Variants in IL10RB observed in about 807,000 individuals in gnomAD.
IL10RB encodes interleukin-10 receptor subunit beta.
A neutral mutation model predicts 38.7 loss-of-function variants in IL10RB; 30 were observed. That is an observed-to-expected ratio of 0.78 (90% CI 0.58 to 1.05). IL10RB has a LOEUF of 1.05. IL10RB is among the 50% of genes least tolerant of loss of function. The probability of loss-of-function intolerance (pLI) is 0.00; values close to 1 mark genes in which losing one functional copy is unlikely to be tolerated. For synonymous variants in IL10RB, 142 were observed against 145.9 expected, an observed-to-expected ratio of 0.97 and a Z score of 0.19; for missense variants, 328 against 397.1, an observed-to-expected ratio of 0.83 and a Z score of 1.48.
chr21:33,267,235 C>A (rs1364871422), intron 1 of IL10RB, among the ~76,000 whole-genome samples: 1 of 151,972 alleles, frequency 6.6e-6, no homozygotes, highest in African/African-American at 2.4e-5. Flanking sequence ...CTGCTTGGGA[C>A]CCTCCTGCTC....
At chr21:33,275,147 CTTTTCTT>C (rs941774158) in intron 2 of IL10RB, among the ~76,000 whole-genome samples, 1 of 136,740 alleles carries the variant, frequency 7.3e-6, no homozygotes, top group Non-Finnish European at 1.6e-5. Flanking sequence ...TAACTTCCAA[CTTTTCTT>C]TTTTTTTTTT....
chr21:33,283,371 C>A, intron 5 of IL10RB, 130 bp downstream of exon 5: 1 of 931,730 alleles, frequency 1.1e-6, no homozygotes, highest in Non-Finnish European at 1.7e-6. Flanking sequence ...ATCTCTCAGC[C>A]CTGACTGCTC....
intron 1 of IL10RB, among the ~76,000 whole-genome samples, chr21:33,306,955 ACTT>A (rs142959211): frequency 0.011 from 1,692 of 152,258 alleles, 35 homozygotes; most frequent in African/African-American, 0.037. Context: ...GTAACCTTCC[ACTT>A]CTTCTTTCCC....
Position 33,302,828 on chromosome 21 carries a change from G to C in IL10RB, c.130-6148G>C, listed in dbSNP as rs1282540847. ...CGCCTGAGGCCTGTAGACAGGAAAT[G>C]AGGAGTCCGGCTCCTAGTTAGAATC... is the stretch of plus-strand genomic sequence containing the variant. On this transcript the variant is annotated intron_variant, in intron 1 of 1. Coordinates refer to the IL10RB transcript ENST00000609556. Among the ~76,000 whole-genome samples the C allele has an allele frequency of 2.0e-5, 3 of 152,218 alleles. No homozygotes were observed. The East Asian group carries it at 5.8e-4, about 29-fold the overall frequency.
intron 3 of IL10RB, among the ~76,000 whole-genome samples, chr21:33,277,701 T>A (rs2123575761): frequency 7.4e-6 from 1 of 134,814 alleles, no homozygotes; most frequent in East Asian, 2.3e-4. Context: ...AGACAAAGTC[T>A]CACTCTGACA....
chr21:33,297,883 T>A (rs1285363397), downstream of IL10RB, among the ~76,000 whole-genome samples: 1 of 151,944 alleles, frequency 6.6e-6, no homozygotes, highest in Non-Finnish European at 1.5e-5. Context: ...GTATTAGGGT[T>A]CTCCAGAGAA....
chr21:33,268,257 CT>C (rs1289432005), intron 1 of IL10RB, 136 bp from the exon 2 acceptor site: 1 of 1,552,156 alleles, frequency 6.4e-7, no homozygotes, highest in African/African-American at 1.4e-5. Flanking sequence ...CACAGCCAAC[CT>C]GTCTCTCCCT....
chr21:33,283,328 C>A, intron 5 of IL10RB, 87 bp downstream of exon 5: 1 of 1,330,528 alleles, frequency 7.5e-7, no homozygotes, highest in Non-Finnish European at 1.1e-6. Context: ...ACTCAAATTC[C>A]AGCTCAGTTC....
At chr21:33,307,123 G>C (rs2083000824) in intron 1 of IL10RB, among the ~76,000 whole-genome samples, 1 of 152,026 alleles carries the variant, frequency 6.6e-6, no homozygotes, top group Non-Finnish European at 1.5e-5. Flanking sequence ...ATTCTGCAGG[G>C]GCTCAGCCTA....
intron 4 of IL10RB, 41 bp from the exon 5 acceptor site, chr21:33,283,053 C>T: frequency 6.5e-7 from 1 of 1,544,988 alleles, no homozygotes; most frequent in Non-Finnish European, 8.9e-7. Flanking sequence ...TGGTGCCCTT[C>T]CACTGCTTAG....
intron 2 of IL10RB, among the ~76,000 whole-genome samples, chr21:33,272,694 C>T (rs769929735): frequency 1.8e-4 from 27 of 152,230 alleles, no homozygotes; most frequent in African/African-American, 4.6e-4. Context: ...TGATCCTCTG[C>T]CTCGGCCTCC....
At chr21:33,294,308 TTGAG>T (rs1989547448) in intron 6 of IL10RB, among the ~76,000 whole-genome samples, 1 of 151,886 alleles carries the variant, frequency 6.6e-6, no homozygotes, top group Non-Finnish European at 1.5e-5. Context: ...AATGGAGACT[TTGAG>T]TTAAAAAAGC....
intron 1 of IL10RB, 80 bp downstream of exon 1, chr21:33,266,594 G>T (rs984289277): frequency 1.4e-6 from 2 of 1,425,316 alleles, no homozygotes; most frequent in African/African-American, 1.4e-5. Context: ...ATCCCTGGGC[G>T]CCCTGCAAGT....
Position 33,269,073 on chromosome 21 carries a change from C to T in IL10RB, c.173+556C>T, listed in dbSNP as rs45465892. Among the ~76,000 whole-genome samples, 363 of 152,300 alleles carry T rather than the reference C, an allele frequency of 2.4e-3. 2 individuals are homozygous for T. The highest frequency in any genetic ancestry group is 4.4e-3 in the Admixed American group (68 of 15,298). ...TTGCATAATGAGTGCTCAGTTTCTC[C>T]GTGGTTCCATCCTGAAATTAAAAGT... is the stretch of plus-strand genomic sequence containing the variant. On this transcript the variant is annotated intron_variant, in intron 2 of 6. Coordinates refer to ENST00000290200, the MANE Select transcript of IL10RB (RefSeq NM_000628.5).
chr21:33,279,519 C>T (rs1989240791), intron 3 of IL10RB, among the ~76,000 whole-genome samples: 1 of 152,060 alleles, frequency 6.6e-6, no homozygotes, highest in South Asian at 2.1e-4. Flanking sequence ...GTATCAGAAA[C>T]CACAATAAAC....
At chr21:33,293,419 C>A (rs373950432) in intron 6 of IL10RB, among the ~76,000 whole-genome samples, 4 of 152,318 alleles carry the variant, frequency 2.6e-5, no homozygotes, top group African/African-American at 7.2e-5. Flanking sequence ...GGGGAACAAG[C>A]GCCTCCTCCA....
At chr21:33,303,107 A>AG (rs1208123513) in intron 1 of IL10RB, among the ~76,000 whole-genome samples, 3 of 152,254 alleles carry the variant, frequency 2.0e-5, no homozygotes, top group Non-Finnish European at 4.4e-5. Flanking sequence ...GGAGTAGGGA[A>AG]GGGGGAGCCA....
chr21:33,271,254 C>T (rs1989074012), intron 2 of IL10RB, among the ~76,000 whole-genome samples: 1 of 152,178 alleles, frequency 6.6e-6, no homozygotes, highest in Non-Finnish European at 1.5e-5. Flanking sequence ...TGAGCAATTG[C>T]ACAGCACAAA....
At chr21:33,289,076 C>T (rs2123594158) in intron 6 of IL10RB, among the ~76,000 whole-genome samples, 1 of 152,350 alleles carries the variant, frequency 6.6e-6, no homozygotes, top group South Asian at 2.1e-4. Flanking sequence ...GCCTCTCGAG[C>T]TGGGGTGGCC....
Sources: allele counts gnomAD v4.1 joint callset (sites outside exome capture counted in the v4.1 genomes callset), GRCh38; gene constraint gnomAD v4.1.1; transcripts MANE v1.5; gene names NCBI Gene and HGNC (gene_info 2026-07-23, HGNC 2026-07-21).